KCNIP4: variants seen among roughly 807,000 people sequenced by gnomAD.
KCNIP4 encodes the protein Kv channel-interacting protein 4.
A neutral mutation model predicts 34.0 loss-of-function variants in KCNIP4; 12 were observed. The observed-to-expected ratio is 0.35, with a 90% CI of 0.23 to 0.57. The LOEUF (loss-of-function observed/expected upper bound fraction) is 0.57. Ranked by LOEUF, KCNIP4 falls within the 20% of genes least tolerant of loss-of-function variation. The pLI, the probability that KCNIP4 is intolerant of heterozygous loss-of-function variation, is 0.83. For missense variants in KCNIP4, 238 were observed against 311.7 expected, an observed-to-expected ratio of 0.76 and a Z score of 1.78; for synonymous variants, 124 against 102.2, an observed-to-expected ratio of 1.21 and a Z score of -1.29.
intron 1 of KCNIP4, among the ~76,000 whole-genome samples, chr4:21,425,693 T>A (rs1725870017): frequency 2.0e-5 from 3 of 152,258 alleles, no homozygotes; most frequent in East Asian, 1.9e-4. Context: ...CATTTTAAAA[T>A]AAAAAAGAAA....
intron 8 of KCNIP4, 23 bp from the exon 9 acceptor site, chr4:20,730,152 G>T (rs759116590): frequency 1.3e-6 from 2 of 1,590,132 alleles, no homozygotes; most frequent in Non-Finnish European, 1.7e-6. Flanking sequence ...AACACAGAGC[G>T]ATTAAATTCA....
chr4:20,788,950 G>A (rs184898666), intron 3 of KCNIP4, among the ~76,000 whole-genome samples: 24 of 152,150 alleles, frequency 1.6e-4, no homozygotes, highest in Non-Finnish European at 2.1e-4. Flanking sequence ...AAAGGTGTGC[G>A]AGGCCTCCTT....
intron 1 of KCNIP4, among the ~76,000 whole-genome samples, chr4:21,700,955 A>T (rs991240160): frequency 2.0e-5 from 3 of 152,180 alleles, no homozygotes; most frequent in African/African-American, 7.2e-5. Flanking sequence ...CTGCATTTCC[A>T]TGTTCATTTC....
intron 5 of KCNIP4, among the ~76,000 whole-genome samples, chr4:20,745,641 G>A (rs13121188): frequency 0.2 from 30,486 of 152,090 alleles, 3,379 homozygotes; most frequent in East Asian, 0.41. Flanking sequence ...GGTCTGTACC[G>A]AATTCTGGTT....
intron 1 of KCNIP4, among the ~76,000 whole-genome samples, chr4:21,510,491 T>C (rs1734219679): frequency 6.6e-6 from 1 of 152,050 alleles, no homozygotes; most frequent in South Asian, 2.1e-4. Flanking sequence ...ATTTAGACAG[T>C]GGGTGTTTTT....
At chr4:20,751,930 G>A (rs1284653162) in intron 4 of KCNIP4, among the ~76,000 whole-genome samples, 1 of 152,072 alleles carries the variant, frequency 6.6e-6, no homozygotes, top group Non-Finnish European at 1.5e-5. Context: ...GAGTCAGACT[G>A]CCTGAATTTC....
At chr4:20,971,684 A>G in intron 1 of KCNIP4, among the ~76,000 whole-genome samples, 1 of 152,192 alleles carries the variant, frequency 6.6e-6, no homozygotes, top group African/African-American at 2.4e-5. Context: ...ACTGGCCTTA[A>G]TGTTGTTGGC....
intron 1 of KCNIP4, among the ~76,000 whole-genome samples, chr4:21,919,556 A>C (rs949872210): frequency 3.3e-5 from 5 of 152,206 alleles, no homozygotes; most frequent in African/African-American, 1.2e-4. Context: ...CCTTGATAAC[A>C]GAAATACGAT....
intron 1 of KCNIP4, among the ~76,000 whole-genome samples, chr4:21,288,232 A>T (rs1271154983): frequency 6.6e-6 from 1 of 152,202 alleles, no homozygotes; most frequent in Non-Finnish European, 1.5e-5. Context: ...GGATCACAGC[A>T]CAACTATCCT....
At chr4:21,684,482 G>T (rs192142506) in intron 1 of KCNIP4, among the ~76,000 whole-genome samples, 7 of 151,944 alleles carry the variant, frequency 4.6e-5, no homozygotes, top group African/African-American at 1.7e-4. Context: ...TAACATCTAC[G>T]CAAATCTGTT....
intron 1 of KCNIP4, among the ~76,000 whole-genome samples, chr4:21,611,518 A>G (rs908447249): frequency 1.3e-5 from 2 of 152,188 alleles, no homozygotes; most frequent in Non-Finnish European, 2.9e-5. Context: ...ACACAGCCAA[A>G]TCATATCAGT....
At chr4:20,751,590 T>C (rs1753647398) in intron 4 of KCNIP4, among the ~76,000 whole-genome samples, 1 of 152,156 alleles carries the variant, frequency 6.6e-6, no homozygotes, top group Admixed American at 6.5e-5. Flanking sequence ...TAAGCAAGTC[T>C]CTAGTTACCC....
At chr4:21,824,740 C>T (rs1722571295) in intron 1 of KCNIP4, among the ~76,000 whole-genome samples, 2 of 152,112 alleles carry the variant, frequency 1.3e-5, no homozygotes, top group Admixed American at 1.3e-4. Context: ...TCCAGTTCCC[C>T]TGTCTTGATA....
At chr4:20,772,587 C>G (rs1283189928) in intron 3 of KCNIP4, among the ~76,000 whole-genome samples, 1 of 152,054 alleles carries the variant, frequency 6.6e-6, no homozygotes, top group Non-Finnish European at 1.5e-5. Flanking sequence ...AGATTCAGCT[C>G]TAAATACATT....
In KCNIP4 at chr4:20,729,277, C is replaced by CTTGT. The variant is rs1273952554; in HGVS notation, c.*801_*804dup. The CTTGT allele has an allele frequency of 6.6e-6, 1 of 152,322 alleles. No homozygotes were observed. Among genetic ancestry groups the CTTGT allele is most frequent in the African/African-American group, 2.4e-5 (1 of 41,414 alleles). 9.4% of individuals were successfully genotyped at this position (152,322 alleles called of 1,614,324 possible). A position where few individuals can be genotyped will look rare whatever the true frequency, so the allele number is the denominator to read the frequency against. On this transcript the variant is annotated 3_prime_UTR_variant, in exon 9 of 9. Transcript: ENST00000382152. ...CCCTTTGCATATGTCTGTAAACATC[C>CTTGT]TTGTTTTGTTTGATGCCTTCTTCAA... is the stretch of plus-strand genomic sequence containing the variant.
intron 1 of KCNIP4, among the ~76,000 whole-genome samples, chr4:21,915,751 CGATT>C (rs1347780690): frequency 1.3e-5 from 2 of 152,144 alleles, no homozygotes; most frequent in Non-Finnish European, 2.9e-5. Flanking sequence ...TCTCTTTCTA[CGATT>C]TGTCAAACTG....
intron 1 of KCNIP4, among the ~76,000 whole-genome samples, chr4:21,127,289 A>G (rs923439134): frequency 1.3e-5 from 2 of 152,038 alleles, no homozygotes; most frequent in Non-Finnish European, 2.9e-5. Flanking sequence ...TTACTGTCTC[A>G]CTTCCCCTTC....
intron 1 of KCNIP4, among the ~76,000 whole-genome samples, chr4:21,076,715 G>T (rs1018057880): frequency 1.3e-5 from 2 of 152,110 alleles, no homozygotes; most frequent in East Asian, 1.9e-4. Flanking sequence ...GAGAAATGTC[G>T]TTGATGGTGT....
chr4:20,860,875 A>G (rs1722122348), intron 2 of KCNIP4, among the ~76,000 whole-genome samples: 1 of 152,216 alleles, frequency 6.6e-6, no homozygotes, highest in Non-Finnish European at 1.5e-5. Flanking sequence ...AGTCTGATAC[A>G]TCAGGACAAA....
Sources: allele counts gnomAD v4.1 joint callset (sites outside exome capture counted in the v4.1 genomes callset), GRCh38; gene constraint gnomAD v4.1.1; transcripts MANE v1.5; gene names NCBI Gene and HGNC (gene_info 2026-07-23, HGNC 2026-07-21).